Variants in MYO5A observed in about 807,000 individuals in gnomAD.
MYO5A encodes the protein unconventional myosin-Va.
Under a neutral mutation model 249.7 loss-of-function variants are expected in MYO5A, and 98 were observed. The ratio of observed to expected loss-of-function variants is 0.39; its 90% CI spans 0.33 to 0.46. MYO5A has a LOEUF of 0.46. MYO5A is among the 20% of genes least tolerant of loss of function. MYO5A has a pLI of 0.98. For synonymous variants in MYO5A, 778 were observed against 810.6 expected (o/e 0.96, Z 0.68); for missense variants, 1,696 against 2,308.8 (o/e 0.73, Z 5.44).
intron 1 of MYO5A, among the ~76,000 whole-genome samples, chr15:52,516,401 G>A (rs1234667709): frequency 6.6e-6 from 1 of 152,110 alleles, no homozygotes; most frequent in Non-Finnish European, 1.5e-5. Context: ...AAGAAAACAA[G>A]TAACAACTAT....
intron 2 of MYO5A, among the ~76,000 whole-genome samples, chr15:52,429,705 AC>A (rs1331781180): frequency 3.3e-5 from 3 of 91,250 alleles, no homozygotes; most frequent in South Asian, 3.1e-4. Flanking sequence ...AAACAAAAAA[AC>A]AAAACAAAAC....
intron 1 of MYO5A, among the ~76,000 whole-genome samples, chr15:52,464,359 A>G (rs1481278311): frequency 6.6e-6 from 1 of 152,068 alleles, no homozygotes; most frequent in Non-Finnish European, 1.5e-5. Context: ...CCCAAACTAC[A>G]AGTTCAATGC....
Position 52,405,390 on chromosome 15 carries a change from A to G in MYO5A, c.950T>C (p.Ile317Thr). 6.3e-7 allele frequency: 1 copy of G among 1,599,644 alleles called. No homozygotes were observed. The highest frequency in any genetic ancestry group is 8.6e-7 in the Non-Finnish European group (1 of 1,166,944). Residue 317 changes from isoleucine to threonine, a missense_variant, in exon 9 of 42, where the codon ATT (isoleucine) becomes ACT (threonine). Physicochemically the swap from Ile to Thr is moderately conservative, Grantham distance 89. This residue lies in a region of MYO5A where 185 missense variants were observed against 204.8 expected (regional missense o/e 0.90). Transcript: ENST00000399233. ...HTRQACTLLG[I>T]SESHQMGIFR... ...AATTCCCATTTGATGAGATTCACTAATTCCTGAAACAAGAGAGTGAATGAA... is the reference window on the plus strand; with the variant it reads ...AATTCCCATTTGATGAGATTCACTAGTTCCTGAAACAAGAGAGTGAATGAA...
chr15:52,366,278 C>T (rs1053415342), intron 23 of MYO5A, among the ~76,000 whole-genome samples: 1 of 152,066 alleles, frequency 6.6e-6, no homozygotes, highest in Non-Finnish European at 1.5e-5. Context: ...AATAACATAT[C>T]TTTATTGTTT....
chr15:52,348,765 A>G, intron 29 of MYO5A, 53 bp downstream of exon 29: 1 of 1,408,466 alleles, frequency 7.1e-7, no homozygotes, highest in Non-Finnish European at 9.7e-7. Flanking sequence ...CTTGTAAACT[A>G]AAGTTAGGAT....
At chr15:52,524,642 T>C (rs919139649) in intron 1 of MYO5A, among the ~76,000 whole-genome samples, 2 of 151,128 alleles carry the variant, frequency 1.3e-5, no homozygotes, top group African/African-American at 4.9e-5. Context: ...CTATGGGAGG[T>C]GGAAGCAGGA....
chr15:52,475,074 T>C (rs2076562786), intron 1 of MYO5A, among the ~76,000 whole-genome samples: 2 of 152,228 alleles, frequency 1.3e-5, no homozygotes, highest in South Asian at 4.1e-4. Flanking sequence ...AGCCTGTTAT[T>C]GGTCTATTCA....
chr15:52,368,915 G>A (rs1261672343), intron 22 of MYO5A, among the ~76,000 whole-genome samples: 6 of 152,162 alleles, frequency 3.9e-5, no homozygotes, highest in Non-Finnish European at 8.8e-5. Flanking sequence ...CAGATTCTGA[G>A]GAATCCGAAG....
At chr15:52,488,750 G>T (rs554031170) in intron 1 of MYO5A, among the ~76,000 whole-genome samples, 2 of 149,732 alleles carry the variant, frequency 1.3e-5, no homozygotes, top group East Asian at 2.0e-4. Context: ...TGCGGGCTTG[G>T]GGGGATTTGT....
At chr15:52,352,920 A>G (rs2040028896) in intron 27 of MYO5A, among the ~76,000 whole-genome samples, 1 of 152,244 alleles carries the variant, frequency 6.6e-6, no homozygotes, top group Non-Finnish European at 1.5e-5. Context: ...CCATTCTCCC[A>G]CCAACTGGTA....
chr15:52,329,699 A>C (rs1166762047), intron 35 of MYO5A, among the ~76,000 whole-genome samples: 1 of 152,198 alleles, frequency 6.6e-6, no homozygotes, highest in Non-Finnish European at 1.5e-5. Context: ...GGCCTAGAGC[A>C]GTTGTGCTCA....
At chr15:52,405,176 T>A in intron 9 of MYO5A, 111 bp downstream of exon 9, 1 of 809,476 alleles carries the variant, frequency 1.2e-6, no homozygotes, top group Non-Finnish European at 2.1e-6. Context: ...TTGATAATTA[T>A]GTTTCTGATA....
At chr15:52,469,722 A>C (rs1021305018) in intron 1 of MYO5A, among the ~76,000 whole-genome samples, 1 of 152,230 alleles carries the variant, frequency 6.6e-6, no homozygotes, top group African/African-American at 2.4e-5. Flanking sequence ...GGGTTCATGT[A>C]AAAGAAGTCA....
chr15:52,416,188 G>T lies in MYO5A; in HGVS notation c.569C>A (p.Ala190Asp). Residue 190 changes from alanine to aspartate, a missense_variant, in exon 5 of 42, where the codon GCC becomes GAC. Around this residue, in one of 5 missense-constraint regions of MYO5A, gnomAD observed 197 missense variants for 320.3 expected, o/e 0.62. Coordinates refer to ENST00000399233, the MANE Select transcript of MYO5A (RefSeq NM_001382347.1). ...GGCCAAGACCTTTTCCTCCACATTGGCCTCACTGGCAGAACCACTCACAGT... is the reference window on the plus strand; with the variant it reads ...GGCCAAGACCTTTTCCTCCACATTGTCCTCACTGGCAGAACCACTCACAGT... ...FATVSGSASE[A>D]NVEEKVLASN... The T allele has an allele frequency of 6.2e-7, 1 of 1,613,966 alleles. No individual in the cohort carries two copies. The highest frequency in any genetic ancestry group is 8.5e-7 in the Non-Finnish European group (1 of 1,179,942).
chr15:52,426,426 T>A (rs1474233339), intron 3 of MYO5A, among the ~76,000 whole-genome samples: 1 of 151,786 alleles, frequency 6.6e-6, no homozygotes, highest in Admixed American at 6.6e-5. Flanking sequence ...TTCTGTTACA[T>A]CCATATGATA....
At chr15:52,479,134 T>C (rs1287946305) in intron 1 of MYO5A, among the ~76,000 whole-genome samples, 1 of 152,080 alleles carries the variant, frequency 6.6e-6, no homozygotes, top group African/African-American at 2.4e-5. Context: ...TAGCTGGAAT[T>C]ACCTGGCTAA....
chr15:52,392,910 A>C (rs979531065), intron 11 of MYO5A, among the ~76,000 whole-genome samples: 1 of 152,246 alleles, frequency 6.6e-6, no homozygotes, highest in African/African-American at 2.4e-5. Flanking sequence ...CTATAAGAGC[A>C]AGAGTCCTCA....
At chr15:52,348,460 G>T (rs770165372) in intron 29 of MYO5A, among the ~76,000 whole-genome samples, 1 of 152,116 alleles carries the variant, frequency 6.6e-6, no homozygotes, top group African/African-American at 2.4e-5. Flanking sequence ...CAACAAGCCC[G>T]CCACTGGTAG....
intron 11 of MYO5A, among the ~76,000 whole-genome samples, chr15:52,395,653 G>C (rs56992654): frequency 0.15 from 22,917 of 152,028 alleles, 1,818 homozygotes; most frequent in Middle Eastern, 0.22. Flanking sequence ...AGGAAGCTAA[G>C]GCCCAGGGAG....
Sources: allele counts gnomAD v4.1 joint callset (sites outside exome capture counted in the v4.1 genomes callset), GRCh38; gene constraint gnomAD v4.1.1; regional missense constraint gnomAD v4.1.1; transcripts MANE v1.5; gene names NCBI Gene and HGNC (gene_info 2026-07-23, HGNC 2026-07-21).